TOP6BL: variants seen among roughly 807,000 people sequenced by gnomAD.
TOP6BL encodes TOP6B like initiator of meiotic double strand breaks.
At chr11:66,839,417 G>A in the TOP6BL span, among the ~76,000 whole-genome samples, 7 of 152,232 alleles carry the variant, frequency 4.6e-5, no homozygotes, top group Admixed American at 2.6e-4. Context: ...TGGAAGAGCC[G>A]AATTAGCAGG....
the TOP6BL span, chr11:66,838,519 A>G: frequency 2.2e-6 from 3 of 1,354,136 alleles, no homozygotes; most frequent in Non-Finnish European, 3.1e-6. Context: ...AAACTTTCAA[A>G]CTATTCCACT....
chr11:66,753,709 T>C, the TOP6BL span, among the ~76,000 whole-genome samples: 2 of 144,426 alleles, frequency 1.4e-5, no homozygotes, highest in Non-Finnish European at 3.0e-5. Flanking sequence ...CCCGGCCATG[T>C]TTTTATGTTT....
the TOP6BL span, among the ~76,000 whole-genome samples, chr11:66,835,683 G>A: frequency 6.6e-6 from 1 of 152,072 alleles, no homozygotes; most frequent in Non-Finnish European, 1.5e-5. Flanking sequence ...GCCTTTATGT[G>A]CCTTCTTTCA....
chr11:66,774,010 TGAGCCACC>T, the TOP6BL span, among the ~76,000 whole-genome samples: 1 of 152,224 alleles, frequency 6.6e-6, no homozygotes, highest in African/African-American at 2.4e-5. Context: ...ATTCTAGGTG[TGAGCCACC>T]ATGCCCAGCC....
the TOP6BL span, among the ~76,000 whole-genome samples, chr11:66,799,978 G>A: frequency 6.6e-6 from 1 of 151,736 alleles, no homozygotes; most frequent in Non-Finnish European, 1.5e-5. Flanking sequence ...CTACTCAGGA[G>A]GCTGGGGTGG....
At chr11:66,800,695 G>C in the TOP6BL span, 3 of 1,601,910 alleles carry the variant, frequency 1.9e-6, no homozygotes, top group Non-Finnish European at 2.6e-6. Flanking sequence ...AGAGATCTTT[G>C]GGTAAGTTCT....
chr11:66,809,730 A>C, the TOP6BL span, among the ~76,000 whole-genome samples: 1 of 152,184 alleles, frequency 6.6e-6, no homozygotes, highest in South Asian at 2.1e-4. Context: ...TTTTAAAGGG[A>C]TCTCACTCTG....
chr11:66,828,143 C>T, the TOP6BL span: 1 of 645,278 alleles, frequency 1.5e-6, no homozygotes, highest in Non-Finnish European at 2.7e-6. Flanking sequence ...TAAGAAAACT[C>T]TTAACTTTAA....
the TOP6BL span, among the ~76,000 whole-genome samples, chr11:66,792,850 G>C: frequency 1.3e-5 from 2 of 152,182 alleles, no homozygotes; most frequent in Admixed American, 1.3e-4. Context: ...TAATCACCAA[G>C]GTTACAAAGC....
At chr11:66,820,892 G>A in the TOP6BL span, among the ~76,000 whole-genome samples, 3 of 152,160 alleles carry the variant, frequency 2.0e-5, no homozygotes, top group Admixed American at 2.0e-4. Flanking sequence ...TGGGAATTAG[G>A]TAGGTGTGTA....
At chr11:66,839,500 G>T in the TOP6BL span, among the ~76,000 whole-genome samples, 1 of 152,292 alleles carries the variant, frequency 6.6e-6, no homozygotes, top group East Asian at 1.9e-4. Flanking sequence ...GGATCGTGAC[G>T]TCAGCACCTA....
At chr11:66,842,407 G>C in the TOP6BL span, among the ~76,000 whole-genome samples, 2 of 152,290 alleles carry the variant, frequency 1.3e-5, no homozygotes, top group South Asian at 2.1e-4. Context: ...ATCTAAACTC[G>C]CTTTAATTTG....
the TOP6BL span, among the ~76,000 whole-genome samples, chr11:66,818,270 C>T: frequency 1.3e-5 from 2 of 152,194 alleles, no homozygotes; most frequent in African/African-American, 4.8e-5. Context: ...CCTTCTGAGC[C>T]TCTCAGAAGT....
the TOP6BL span, among the ~76,000 whole-genome samples, chr11:66,791,432 T>C: frequency 6.6e-6 from 1 of 152,162 alleles, no homozygotes; most frequent in Non-Finnish European, 1.5e-5. Flanking sequence ...TATACATATA[T>C]ACATACAAAC....
the TOP6BL span, among the ~76,000 whole-genome samples, chr11:66,805,043 G>A: frequency 6.6e-6 from 1 of 151,792 alleles, no homozygotes; most frequent in Non-Finnish European, 1.5e-5. Context: ...ACTCCAGCGT[G>A]GGCAACAGAG....
At chr11:66,756,315 A>T in the TOP6BL span, 1 of 1,175,926 alleles carries the variant, frequency 8.5e-7, no homozygotes, top group Non-Finnish European at 1.1e-6. Flanking sequence ...AATGCTACAT[A>T]CAGTTAACCC....
the TOP6BL span, among the ~76,000 whole-genome samples, chr11:66,810,851 GA>G: frequency 1.4e-4 from 21 of 145,204 alleles, no homozygotes; most frequent in South Asian, 6.5e-4. Context: ...TACCTTACCA[GA>G]AAAAAAAAAA....
chr11:66,769,739 T>A, the TOP6BL span, among the ~76,000 whole-genome samples: 1 of 151,574 alleles, frequency 6.6e-6, no homozygotes, highest in Admixed American at 6.6e-5. Flanking sequence ...TATTTACTTA[T>A]TTTTTAATTT....
At chr11:66,810,122 G>C in the TOP6BL span, among the ~76,000 whole-genome samples, 1 of 152,180 alleles carries the variant, frequency 6.6e-6, no homozygotes, top group African/African-American at 2.4e-5. Flanking sequence ...ACTGGAAACA[G>C]TGTTAGCTAG....
Sources: allele counts gnomAD v4.1 joint callset (sites outside exome capture counted in the v4.1 genomes callset), GRCh38; gene constraint gnomAD v4.1.1; transcripts MANE v1.5; gene names NCBI Gene and HGNC (gene_info 2026-07-23, HGNC 2026-07-21).